PRICKLE2: variants seen among roughly 807,000 people sequenced by gnomAD.
PRICKLE2 encodes prickle planar cell polarity protein 2.
PRICKLE2 carries 21 observed loss-of-function variants against 81.4 expected under a neutral mutation model. That is an observed-to-expected ratio of 0.26 (90% CI 0.18 to 0.37). The LOEUF is 0.37. PRICKLE2 is among the 10% of genes least tolerant of loss of function. PRICKLE2 has a pLI of 1.00. For synonymous variants in PRICKLE2, 456 were observed against 421.5 expected (o/e 1.08, Z -1.00); for missense variants, 940 against 1,109.0 (o/e 0.85, Z 2.16).
chr3:64,162,612 C>T (rs17664296), intron 3 of PRICKLE2, among the ~76,000 whole-genome samples: 53,071 of 151,996 alleles, frequency 0.35, 9,531 homozygotes, highest in Non-Finnish European at 0.39. Context: ...GAAATGATGC[C>T]GAAAATTCAG....
At chr3:64,152,988 C>A (rs1188015512) in intron 6 of PRICKLE2, among the ~76,000 whole-genome samples, 194 bp downstream of exon 6, 1 of 152,058 alleles carries the variant, frequency 6.6e-6, no homozygotes, top group East Asian at 1.9e-4. Flanking sequence ...TTGTCTGAAC[C>A]CTTGATCCAC....
At position 64,098,915 on chromosome 3, in the gene PRICKLE2, C is replaced by A; in HGVS notation, c.*136G>T. ...CTATTGAGTCAACCTGTAACCTTGCCTCCATCTACTGACAGCATTTTCCCT... is the reference window on the plus strand; with the variant it reads ...CTATTGAGTCAACCTGTAACCTTGCATCCATCTACTGACAGCATTTTCCCT... On this transcript the variant is annotated 3_prime_UTR_variant, in exon 8 of 8. Transcript: ENST00000638394. The A allele has an allele frequency of 1.1e-6, 1 of 938,320 alleles. No individual in the cohort carries two copies. Among genetic ancestry groups the A allele is most frequent in the Non-Finnish European group, 1.7e-6 (1 of 583,408 alleles). 58.1% of individuals were successfully genotyped at this position (938,320 alleles called of 1,614,324 possible).
At chr3:64,216,243 T>TTTAAA (rs2078870060) in intron 1 of PRICKLE2, among the ~76,000 whole-genome samples, 1 of 152,218 alleles carries the variant, frequency 6.6e-6, no homozygotes, top group Non-Finnish European at 1.5e-5. Flanking sequence ...ACCTTTCGGG[T>TTTAAA]GACTTGATGC....
At position 64,213,065 on chromosome 3, in the gene PRICKLE2, C is replaced by T. The variant is rs530629090; in HGVS notation, c.-41+11845G>A. On this transcript the variant is annotated intron_variant, in intron 1 of 7. Coordinates refer to ENST00000638394, the MANE Select transcript of PRICKLE2 (RefSeq NM_198859.4). ...TAATCCTTCAAGGTCATACTAATGA[C>T]TGTTTTTTGTTCTTTTTTTTTTTTT... is the stretch of plus-strand genomic sequence containing the variant. Among the ~76,000 whole-genome samples, 6 of 148,390 alleles carry T rather than the reference C, an allele frequency of 4.0e-5. No homozygotes were observed. In the South Asian group the frequency reaches 1.3e-3, roughly 32 times the overall value.
chr3:64,244,616 G>GTGTGTA (rs1315323008), intron 2 of PRICKLE2, among the ~76,000 whole-genome samples: 1 of 151,740 alleles, frequency 6.6e-6, no homozygotes, highest in African/African-American at 2.4e-5. Context: ...GTGTGTGTGT[G>GTGTGTA]TGTGTGTGTG....
At chr3:64,252,169 G>A (rs2079456428) in intron 2 of PRICKLE2, among the ~76,000 whole-genome samples, 1 of 152,162 alleles carries the variant, frequency 6.6e-6, no homozygotes, top group African/African-American at 2.4e-5. Context: ...AGGTTGTTGG[G>A]AAGATTAAAT....
At chr3:64,232,817 T>A (rs114659631) in intron 2 of PRICKLE2, among the ~76,000 whole-genome samples, 6,602 of 152,258 alleles carry the variant, frequency 0.043, 301 homozygotes, top group Admixed American at 0.14. Flanking sequence ...CTTTGCTATC[T>A]CAGTTAATGG....
chr3:64,161,873 T>A (rs753755861), intron 3 of PRICKLE2, among the ~76,000 whole-genome samples: 1 of 152,146 alleles, frequency 6.6e-6, no homozygotes. Flanking sequence ...CATTTTCACT[T>A]CCAAATTAGT....
At chr3:64,115,476 C>A in intron 7 of PRICKLE2, among the ~76,000 whole-genome samples, 1 of 152,052 alleles carries the variant, frequency 6.6e-6, no homozygotes, top group East Asian at 1.9e-4. Flanking sequence ...CAGACACACA[C>A]AGGCTCAAAA....
At chr3:64,142,309 C>G (rs373345760) in intron 7 of PRICKLE2, among the ~76,000 whole-genome samples, 2 of 122,248 alleles carry the variant, frequency 1.6e-5, no homozygotes, top group Non-Finnish European at 3.5e-5. Flanking sequence ...TTCTTTCTTT[C>G]TTTCTTTTTT....
chr3:64,174,518 T>C (rs2077986125), intron 2 of PRICKLE2: 1 of 152,834 alleles, frequency 6.5e-6, no homozygotes, highest in African/African-American at 2.4e-5. Flanking sequence ...GACAAACATA[T>C]TGTGGTCTGA....
intron 2 of PRICKLE2, among the ~76,000 whole-genome samples, chr3:64,194,872 T>C (rs1056772773): frequency 6.6e-6 from 1 of 152,020 alleles, no homozygotes; most frequent in Non-Finnish European, 1.5e-5. Context: ...TGAGACCCCC[T>C]TCTGTACAAA....
At chr3:64,159,239 C>G (rs535249544) in intron 4 of PRICKLE2, among the ~76,000 whole-genome samples, 3 of 152,234 alleles carry the variant, frequency 2.0e-5, no homozygotes, top group African/African-American at 4.8e-5. Flanking sequence ...CAACATGACT[C>G]GGAAGGGCTT....
Position 64,098,471 on chromosome 3 carries a change from G to GAAAAAA in PRICKLE2, c.*574_*579dup, listed in dbSNP as rs35195442. On this transcript the variant is annotated 3_prime_UTR_variant, in exon 8 of 8. Transcript: ENST00000638394. The stretch of plus-strand genomic sequence containing the variant: ...CACTGACATGTAACAAATTTGTATA[G>GAAAAAA]AAAAAAAAAAAAAAAAAAAAAAGGT... 4 of 79,408 alleles carry GAAAAAA rather than the reference G, an allele frequency of 5.0e-5. No individual in the cohort carries two copies. The highest frequency in any genetic ancestry group is 9.9e-5 in the Non-Finnish European group (4 of 40,506). The allele number at this position is 79,408 out of a possible 1,614,324, so 4.9% of individuals were successfully genotyped here.
chr3:64,134,017 G>C (rs1470039251), intron 7 of PRICKLE2, among the ~76,000 whole-genome samples: 1 of 152,196 alleles, frequency 6.6e-6, no homozygotes. Flanking sequence ...CAGGAGATCA[G>C]GGTACCAAAT....
At chr3:64,170,712 A>C (rs1264589730) in intron 2 of PRICKLE2, among the ~76,000 whole-genome samples, 1 of 150,932 alleles carries the variant, frequency 6.6e-6, no homozygotes, top group East Asian at 2.0e-4. Flanking sequence ...TTAAAAAAAA[A>C]AAAAAAAAAA....
At position 64,208,213 on chromosome 3, in the gene PRICKLE2, C is replaced by T. The variant is rs189400854; in HGVS notation, c.-40-9246G>A. The stretch of plus-strand genomic sequence containing the variant: ...TGTTGTTAGCAAGAAAGGCATTCCC[C>T]GGTTGTGTTTCACTGAGTCTGTAAG... On this transcript the variant is annotated intron_variant, in intron 1 of 7. Coordinates refer to ENST00000638394, the MANE Select transcript of PRICKLE2 (RefSeq NM_198859.4). Among the ~76,000 whole-genome samples the T allele has an allele frequency of 4.7e-3, 712 of 152,226 alleles. 10 individuals are homozygous for T. The highest frequency in any genetic ancestry group is 3.9e-3 in the Non-Finnish European group (266 of 68,012).
At chr3:64,215,931 T>A (rs76548076) in intron 1 of PRICKLE2, among the ~76,000 whole-genome samples, 3,823 of 152,344 alleles carry the variant, frequency 0.025, 167 homozygotes, top group African/African-American at 0.087. Context: ...TGTTAAACTG[T>A]TGAGTGAACA....
chr3:64,154,096 C>T (rs928971732), intron 5 of PRICKLE2: 2 of 152,486 alleles, frequency 1.3e-5, no homozygotes, highest in Non-Finnish European at 2.9e-5. Context: ...CAGATTTAAA[C>T]TCATACATAC....
Sources: allele counts gnomAD v4.1 joint callset (sites outside exome capture counted in the v4.1 genomes callset), GRCh38; gene constraint gnomAD v4.1.1; transcripts MANE v1.5; gene names NCBI Gene and HGNC (gene_info 2026-07-23, HGNC 2026-07-21).